Variants in NACC2 observed in about 807,000 individuals in gnomAD.
NACC2 encodes the protein nucleus accumbens-associated protein 2.
NACC2 carries 8 observed loss-of-function variants against 25.1 expected under a neutral mutation model. That is an observed-to-expected ratio of 0.32 (90% CI 0.19 to 0.57). NACC2 has a LOEUF of 0.57. Among genes scored for constraint, NACC2 ranks in the 20% least tolerant of loss-of-function variants. The pLI, the probability that NACC2 is intolerant of heterozygous loss-of-function variation, is 0.89. For synonymous variants in NACC2, 435 were observed against 294.7 expected (o/e 1.48, Z -4.88); for missense variants, 644 against 650.2 (o/e 0.99, Z 0.10).
chr9:136,039,823 G>A (rs1386900739), intron 2 of NACC2, among the ~76,000 whole-genome samples: 1 of 152,120 alleles, frequency 6.6e-6, no homozygotes, highest in East Asian at 1.9e-4. Flanking sequence ...AGGCTGATAT[G>A]TTCCCCCCGA....
At chr9:136,053,634 G>A (rs1294027838) in intron 1 of NACC2, among the ~76,000 whole-genome samples, 1 of 152,222 alleles carries the variant, frequency 6.6e-6, no homozygotes, top group African/African-American at 2.4e-5. Flanking sequence ...AGAGGGGCCT[G>A]TGCAACACAG....
chr9:136,090,775 C>A (rs1312260509), intron 1 of NACC2, among the ~76,000 whole-genome samples: 4 of 152,192 alleles, frequency 2.6e-5, no homozygotes, highest in Non-Finnish European at 2.9e-5. Flanking sequence ...ACCAGGGAGG[C>A]CACCCCCAGC....
chr9:136,078,854 G>A (rs72773715), intron 1 of NACC2, among the ~76,000 whole-genome samples: 1 of 152,152 alleles, frequency 6.6e-6, no homozygotes, highest in East Asian at 1.9e-4. Context: ...AGGGCCTCTC[G>A]CCCCTTGTCC....
chr9:136,072,528 G>C (rs1830204618), intron 1 of NACC2, among the ~76,000 whole-genome samples: 1 of 151,964 alleles, frequency 6.6e-6, no homozygotes, highest in Admixed American at 6.6e-5. Flanking sequence ...CTGCACAACA[G>C]GGCAAGACTC....
Position 136,086,884 on chromosome 9 carries a change from C to T in NACC2, c.-60+8305G>A, listed in dbSNP as rs532667725. ...AGCCAGCCCCCCAGTGCCCTCTACG[C>T]ACTAAAGGCTTTCTGCCCCTCCCAC... On this transcript the variant is annotated intron_variant, in intron 1 of 5. Transcript: ENST00000277554. The surrounding 1 kb of genome is among the most constrained non-coding windows in gnomAD (Gnocchi z 5.6). Among the ~76,000 whole-genome samples, 216 of 152,348 alleles carry T rather than the reference C, an allele frequency of 1.4e-3. 1 individual carries two copies. Among genetic ancestry groups the T allele is most frequent in the Middle Eastern group, 6.8e-3 (2 of 294 alleles).
chr9:136,050,584 T>TGGG lies in NACC2; in HGVS notation c.-59-7_-59-5dup, dbSNP rs998507017. On this transcript the variant is annotated splice_region_variant and splice_polypyrimidine_tract_variant and intron_variant, in intron 1 of 5. Transcript: ENST00000277554. Reference sequence around the variant, plus strand: ...GGGCGGCCCTAGCGGGGCTCATCTGTGGGGGGCAGGAGGCACGTGGTCAGT... The same window carrying TGGG: ...GGGCGGCCCTAGCGGGGCTCATCTGTGGGGGGGGGCAGGAGGCACGTGGTCAGT... The TGGG allele has an allele frequency of 5.6e-6, 4 of 716,932 alleles. No homozygotes were observed. The Admixed American group carries it at 7.7e-5, about 14-fold the overall frequency. 44.4% of individuals were successfully genotyped at this position (716,932 alleles called of 1,614,324 possible).
chr9:136,018,387 G>A lies in NACC2; in HGVS notation c.887-1958C>T, dbSNP rs931917689. Reference sequence around the variant, plus strand: ...GGGGCAGGCCACCCAGCCCTGGGGGGCTGAAACCTTGGTTTCTGAGGACCC... The same window carrying A: ...GGGGCAGGCCACCCAGCCCTGGGGGACTGAAACCTTGGTTTCTGAGGACCC... On this transcript the variant is annotated intron_variant, in intron 2 of 5. Coordinates refer to ENST00000277554, the MANE Select transcript of NACC2 (RefSeq NM_144653.5). The surrounding 1 kb of genome is among the most constrained non-coding windows in gnomAD (Gnocchi z 4.4). Among the ~76,000 whole-genome samples the A allele has an allele frequency of 2.0e-5, 3 of 152,050 alleles. No individual in the cohort carries two copies. Among genetic ancestry groups the A allele is most frequent in the Non-Finnish European group, 4.4e-5 (3 of 67,980 alleles).
At position 136,049,720 on chromosome 9, in the gene NACC2, C is replaced by CCTCCTCGTT. The variant is rs1840787263; in HGVS notation, c.793_801dup (p.Asn265_Glu267dup). ...TCGTAGGCCTCGTCGTCCTCCTCGTCCTCCTCGTTGTGGTACGAGGTGGGG... is the reference window on the plus strand; with the variant it reads ...TCGTAGGCCTCGTCGTCCTCCTCGTCCTCCTCGTTCTCCTCGTTGTGGTACGAGGTGGGG... On this transcript the variant is annotated inframe_insertion, in exon 2 of 6. Coordinates refer to ENST00000277554, the MANE Select transcript of NACC2 (RefSeq NM_144653.5). 2.6e-6 allele frequency: 2 copies of CCTCCTCGTT among 779,314 alleles called. No homozygotes were observed. Among genetic ancestry groups the CCTCCTCGTT allele is most frequent in the Non-Finnish European group, 4.8e-6 (2 of 417,546 alleles). The allele number at this position is 779,314 out of a possible 1,614,324, so 48.3% of individuals were successfully genotyped here. A position where few individuals can be genotyped will look rare whatever the true frequency, so the allele number is the denominator to read the frequency against.
At chr9:136,064,584 G>C (rs775258927) in intron 1 of NACC2, among the ~76,000 whole-genome samples, 2 of 152,178 alleles carry the variant, frequency 1.3e-5, no homozygotes, top group Non-Finnish European at 2.9e-5. Flanking sequence ...ATATTCATGG[G>C]ATGGGAAGAC....
At chr9:136,078,290 C>G (rs1355334957) in intron 1 of NACC2, among the ~76,000 whole-genome samples, 1 of 152,170 alleles carries the variant, frequency 6.6e-6, no homozygotes, top group Non-Finnish European at 1.5e-5. Context: ...CAGAAGACGC[C>G]AGAATTCCAC....
At position 136,006,669 on chromosome 9, in the gene NACC2, G is replaced by A. The variant is rs1280583102; in HGVS notation, c.*4847C>T. On this transcript the variant is annotated 3_prime_UTR_variant, in exon 6 of 6. Transcript: ENST00000277554. ...GCTCTGAGCACGCTTGAAGCCCTCGGTTTCCCTGTTCGCTTTTGAATGTTT... is the reference window on the plus strand; with the variant it reads ...GCTCTGAGCACGCTTGAAGCCCTCGATTTCCCTGTTCGCTTTTGAATGTTT... 6.6e-6 allele frequency: 1 copy of A among 152,202 alleles called. No individual in the cohort carries two copies. Among genetic ancestry groups the A allele is most frequent in the African/African-American group, 2.4e-5 (1 of 41,440 alleles). 9.4% of individuals were successfully genotyped at this position (152,202 alleles called of 1,614,324 possible). A position where few individuals can be genotyped will look rare whatever the true frequency, so the allele number is the denominator to read the frequency against.
intron 1 of NACC2, among the ~76,000 whole-genome samples, chr9:136,058,818 G>A (rs1328521148): frequency 3.9e-5 from 6 of 152,252 alleles, no homozygotes; most frequent in African/African-American, 1.4e-4. Context: ...AATGCCTCAC[G>A]CTGGGGCATG....
At chr9:136,042,627 AAC>A (rs935171345) in intron 2 of NACC2, among the ~76,000 whole-genome samples, 8 of 152,116 alleles carry the variant, frequency 5.3e-5, no homozygotes, top group African/African-American at 1.2e-4. Context: ...TTTGCAAGAA[AAC>A]ACACACAGAC....
rs1359034017 is a variant in NACC2 at position 136,018,415 on chromosome 9, C to T, written c.887-1986G>A. ...GAAACCTTGGTTTCTGAGGACCCCA[C>T]ATCCTGAATCCACAGCGGGCGCCCC... On this transcript the variant is annotated intron_variant, in intron 2 of 5. Transcript: ENST00000277554. The surrounding 1 kb of genome is among the most constrained non-coding windows in gnomAD (Gnocchi z 4.4). Among the ~76,000 whole-genome samples the T allele has an allele frequency of 2.0e-5, 3 of 152,082 alleles. No homozygotes were observed. The highest frequency in any genetic ancestry group is 2.9e-5 in the Non-Finnish European group (2 of 67,986).
Position 136,034,215 on chromosome 9 carries a change from CG to C in NACC2, c.886+15420del, listed in dbSNP as rs1840519131. Among the ~76,000 whole-genome samples, 4 of 152,236 alleles carry C rather than the reference CG, an allele frequency of 2.6e-5. No individual in the cohort carries two copies. The East Asian group carries it at 7.7e-4, about 29-fold the overall frequency. Reference sequence around the variant, plus strand: ...GCGGAAAAGACCTTCTCAGGGAGAACGTAGGTCCACTGGAAAGTAAAACGGG... The same window carrying C: ...GCGGAAAAGACCTTCTCAGGGAGAACTAGGTCCACTGGAAAGTAAAACGGG... On this transcript the variant is annotated intron_variant, in intron 2 of 5. Transcript: ENST00000277554.
chr9:136,093,373 G>A (rs529542312), intron 1 of NACC2, among the ~76,000 whole-genome samples: 137 of 152,334 alleles, frequency 9.0e-4, no homozygotes, highest in African/African-American at 3.0e-3. Flanking sequence ...GGGCAGAGCA[G>A]CCCTGCGAAC....
Position 136,055,847 on chromosome 9 carries a change from G to A in NACC2, c.-59-5267C>T, listed in dbSNP as rs1266687038. 6.6e-6 allele frequency among the ~76,000 whole-genome samples: 1 copy of A among 152,124 alleles called. No individual in the cohort carries two copies. Among genetic ancestry groups the A allele is most frequent in the Non-Finnish European group, 1.5e-5 (1 of 68,032 alleles). The stretch of plus-strand genomic sequence containing the variant: ...GAGACTGCCTGGCAGTTAGTTAAGT[G>A]AGGACATCTCCTAAAAGGTCAATCG... On this transcript the variant is annotated intron_variant, in intron 1 of 5. Transcript: ENST00000277554. This position sits in a 1 kb window ranked among gnomAD's most constrained non-coding sequence, Gnocchi z 4.9.
chr9:136,021,883 A>G (rs1392595339), intron 2 of NACC2, among the ~76,000 whole-genome samples: 1 of 152,246 alleles, frequency 6.6e-6, no homozygotes, highest in Admixed American at 6.5e-5. Context: ...GACATTGTCC[A>G]GGAAACTAAA....
chr9:136,034,216 G>A (rs919662062), intron 2 of NACC2, among the ~76,000 whole-genome samples: 2 of 152,272 alleles, frequency 1.3e-5, no homozygotes, highest in African/African-American at 2.4e-5. Flanking sequence ...CAGGGAGAAC[G>A]TAGGTCCACT....
Sources: gnomAD v4.1 joint callset for allele counts (sites outside exome capture counted in the v4.1 genomes callset) on GRCh38, gnomAD v4.1.1 for gene constraint, Gnocchi (gnomAD v3.1) non-coding constraint, MANE v1.5 for transcripts, NCBI Gene and HGNC (gene_info 2026-07-23, HGNC 2026-07-21) for gene names.